ABLIM1: variants seen among roughly 807,000 people sequenced by gnomAD.
ABLIM1 encodes the protein actin binding LIM protein 1.
In ABLIM1, 40 loss-of-function variants were observed where a neutral mutation model predicts 107.0. The ratio of observed to expected loss-of-function variants is 0.37; its 90% CI spans 0.29 to 0.49. The LOEUF is 0.49. Ranked by LOEUF, ABLIM1 falls within the 20% of genes least tolerant of loss-of-function variation. ABLIM1 has a pLI of 0.97. For synonymous variants in ABLIM1, 357 were observed against 357.3 expected, an observed-to-expected ratio of 1.00 and a Z score of 0.01; for missense variants, 857 against 1,008.5, an observed-to-expected ratio of 0.85 and a Z score of 2.04.
intron 6 of ABLIM1, among the ~76,000 whole-genome samples, chr10:114,506,262 T>C (rs1434839526): frequency 1.3e-5 from 2 of 152,222 alleles, no homozygotes; most frequent in Non-Finnish European, 2.9e-5. Context: ...CAGTCCACCA[T>C]GAATGGGCAC....
chr10:114,463,289 G>T, intron 12 of ABLIM1: 1 of 1,016,786 alleles, frequency 9.8e-7, no homozygotes, highest in Non-Finnish European at 1.3e-6. Context: ...TAATCAGGAG[G>T]CTGAAAAGGG....
At chr10:114,441,157 C>A in intron 18 of ABLIM1, 80 bp from the exon 19 acceptor site, 8 of 1,413,114 alleles carry the variant, frequency 5.7e-6, no homozygotes, top group Non-Finnish European at 7.7e-6. Flanking sequence ...AAAGAGTTTA[C>A]AAAATCCTAG....
intron 1 of ABLIM1, among the ~76,000 whole-genome samples, chr10:114,755,282 A>G (rs1012312430): frequency 6.6e-6 from 1 of 152,234 alleles, no homozygotes; most frequent in Non-Finnish European, 1.5e-5. Context: ...GAGGCGGGAC[A>G]GTTTCATCCT....
intron 1 of ABLIM1, among the ~76,000 whole-genome samples, chr10:114,756,324 A>G (rs192982772): frequency 6.6e-6 from 1 of 152,188 alleles, no homozygotes; most frequent in East Asian, 1.9e-4. Flanking sequence ...ATAGTTTCAT[A>G]TTGCTTTTTA....
At chr10:114,634,249 CA>C (rs1388996798) in intron 1 of ABLIM1, among the ~76,000 whole-genome samples, 11 of 144,982 alleles carry the variant, frequency 7.6e-5, no homozygotes, top group Admixed American at 2.8e-4. Flanking sequence ...TCTCCTGCCT[CA>C]GCCTCCCGAG....
intron 1 of ABLIM1, among the ~76,000 whole-genome samples, chr10:114,606,024 G>A (rs1359490715): frequency 6.6e-6 from 1 of 152,100 alleles, no homozygotes; most frequent in Admixed American, 6.6e-5. Context: ...AGAGGCCATG[G>A]CAGGTCATAA....
chr10:114,497,097 A>C (rs1210247623), intron 6 of ABLIM1, among the ~76,000 whole-genome samples: 11 of 152,268 alleles, frequency 7.2e-5, no homozygotes, highest in Admixed American at 7.2e-4. Flanking sequence ...ATTTCAGATC[A>C]TGAGCAAAAT....
intron 16 of ABLIM1, 88 bp downstream of exon 16, chr10:114,445,224 A>T: frequency 8.2e-7 from 1 of 1,219,136 alleles, no homozygotes; most frequent in Non-Finnish European, 1.2e-6. Context: ...TTGCCTATCT[A>T]GATGGTTTAT....
Position 114,437,950 on chromosome 10 carries a change from T to C in ABLIM1, c.2143-26A>G, listed in dbSNP as rs371960101. 26 of 1,592,118 alleles carry C rather than the reference T, an allele frequency of 1.6e-5. 1 individual carries two copies. In the African/African-American group the frequency reaches 2.9e-4, roughly 18 times the overall value. ...CTGAGAAGAAAGAAAACACCTCTTC[T>C]AGAACACCACAGTCCATTTTATTAA... On this transcript the variant is annotated intron_variant, in intron 21 of 22. Transcript: ENST00000533213.
Position 114,705,821 on chromosome 10 carries a change from T to C in ABLIM1, c.-213+62240A>G, listed in dbSNP as rs566658960. Among the ~76,000 whole-genome samples the C allele has an allele frequency of 1.2e-4, 18 of 152,328 alleles. No individual in the cohort carries two copies. In the East Asian group the frequency reaches 3.1e-3, roughly 26 times the overall value. The stretch of plus-strand genomic sequence containing the variant: ...GAAAATCATAACAAAAAATTTGAAA[T>C]TTGATGATATATCTTGTTTTATGTG... On this transcript the variant is annotated intron_variant, in intron 1 of 15. Transcript: ENST00000651092.
intron 5 of ABLIM1, among the ~76,000 whole-genome samples, chr10:114,547,082 C>T (rs1029427463): frequency 1.3e-5 from 2 of 151,932 alleles, no homozygotes; most frequent in Non-Finnish European, 2.9e-5. Context: ...TGAGCCACCA[C>T]GCCCAGCAGG....
intron 6 of ABLIM1, among the ~76,000 whole-genome samples, chr10:114,507,415 A>C (rs2061308961): frequency 6.6e-6 from 1 of 152,226 alleles, no homozygotes; most frequent in African/African-American, 2.4e-5. Flanking sequence ...GCCCCAAATG[A>C]GAATATTTTT....
At chr10:114,798,052 A>G in the ABLIM1 span, among the ~76,000 whole-genome samples, 99,159 of 152,112 alleles carry the variant, frequency 0.65, 32,370 homozygotes, top group African/African-American at 0.7. Context: ...AGGTAACTGT[A>G]TAATGACTAT....
In ABLIM1 at chr10:114,432,191, A is replaced by G. The variant is rs2058925303; in HGVS notation, c.*4069T>C. The G allele has an allele frequency of 6.6e-6, 1 of 152,250 alleles. No individual in the cohort carries two copies. The highest frequency in any genetic ancestry group is 1.5e-5 in the Non-Finnish European group (1 of 68,044). The allele number at this position is 152,250 out of a possible 1,614,324, so 9.4% of individuals were successfully genotyped here. A position where few individuals can be genotyped will look rare whatever the true frequency, so the allele number is the denominator to read the frequency against. ...TGACAAACACTTCATTGGTTAGAAG[A>G]GAATAATTGTAAAAATCAAATAAAA... On this transcript the variant is annotated 3_prime_UTR_variant, in exon 23 of 23. Coordinates refer to ENST00000533213, the MANE Select transcript of ABLIM1 (RefSeq NM_002313.7).
At position 114,620,495 on chromosome 10, in the gene ABLIM1, C is replaced by G. The variant is rs528185541; in HGVS notation, c.245-18534G>C. ...CGTGATCTTGGCTCACTGCAACCTC[C>G]ACCTCCTGGGTTCAAGCGATTCTTC... On this transcript the variant is annotated intron_variant, in intron 1 of 22. Transcript: ENST00000533213. Among the ~76,000 whole-genome samples the G allele has an allele frequency of 1.9e-4, 29 of 152,186 alleles. 1 individual carries two copies. In the South Asian group the frequency reaches 6.0e-3, roughly 32 times the overall value.
Position 114,491,004 on chromosome 10 carries a change from G to GTATATATATA in ABLIM1, c.982+786_982+787insTATATATATA, listed in dbSNP as rs1397165080. Among the ~76,000 whole-genome samples, 16 of 79,628 alleles carry GTATATATATA rather than the reference G, an allele frequency of 2.0e-4. No individual in the cohort carries two copies. The East Asian group carries it at 2.5e-3, about 13-fold the overall frequency. The allele number at this position is 79,628 out of a possible 152,430, so 52.2% of individuals were successfully genotyped here. A position where few individuals can be genotyped will look rare whatever the true frequency, so the allele number is the denominator to read the frequency against. ...TGTGTGTGTGTGTGTGTGTGTGTGT[G>GTATATATATA]TGTGTGTGTATATATATATATGGTC... On this transcript the variant is annotated intron_variant, in intron 7 of 22. Coordinates refer to ENST00000533213, the MANE Select transcript of ABLIM1 (RefSeq NM_002313.7).
At chr10:114,623,264 A>C (rs2077580020) in intron 1 of ABLIM1, among the ~76,000 whole-genome samples, 1 of 152,222 alleles carries the variant, frequency 6.6e-6, no homozygotes, top group Non-Finnish European at 1.5e-5. Context: ...TTCTGAATTA[A>C]TGTTGCCTTC....
chr10:114,609,842 C>A (rs1375392120), intron 1 of ABLIM1, among the ~76,000 whole-genome samples: 1 of 152,188 alleles, frequency 6.6e-6, no homozygotes, highest in Non-Finnish European at 1.5e-5. Flanking sequence ...TACTCACAAT[C>A]AAAATAACTG....
intron 12 of ABLIM1, among the ~76,000 whole-genome samples, chr10:114,458,485 T>C (rs2063257056): frequency 6.6e-6 from 1 of 152,160 alleles, no homozygotes; most frequent in African/African-American, 2.4e-5. Flanking sequence ...TGTGGGGACC[T>C]GTTGGAGCAC....
Sources: allele counts gnomAD v4.1 joint callset (sites outside exome capture counted in the v4.1 genomes callset), GRCh38; gene constraint gnomAD v4.1.1; transcripts MANE v1.5; gene names NCBI Gene and HGNC (gene_info 2026-07-23, HGNC 2026-07-21).